TMOD1: variants seen among roughly 807,000 people sequenced by gnomAD.
The protein encoded by TMOD1 is tropomodulin-1.
A neutral mutation model predicts 40.6 loss-of-function variants in TMOD1; 17 were observed. The ratio of observed to expected loss-of-function variants is 0.42; its 90% CI spans 0.29 to 0.63. The LOEUF (loss-of-function observed/expected upper bound fraction) is 0.63. TMOD1 is among the 20% of genes least tolerant of loss of function. The pLI is 0.22. For synonymous variants in TMOD1, 181 were observed against 175.0 expected (o/e 1.03, Z -0.27); for missense variants, 391 against 447.6 (o/e 0.87, Z 1.14).
rs1223286541 is a variant in TMOD1, at chr9:97,524,204, G to C, written c.16G>C (p.Glu6Gln). The C allele has an allele frequency of 6.2e-7, 1 of 1,614,102 alleles. No homozygotes were observed. Among genetic ancestry groups the C allele is most frequent in the Admixed American group, 1.7e-5 (1 of 60,026 alleles). ...TTCTTCCACGATGTCGTACAGACGA[G>C]AACTAGAGAAATACCGTGACCTGGA... Reference protein sequence around the residue: MSYRRELEKYRDLDED... With the variant: MSYRRQLEKYRDLDED... Residue 6 changes from glutamate to glutamine, a missense_variant, in exon 2 of 10, where the codon GAA becomes CAA. Transcript: ENST00000259365.
chr9:97,551,006 ATATATATATTTTTTTTTTTTTTTTTTTT>A (rs1830442198), intron 3 of TMOD1, among the ~76,000 whole-genome samples: 1 of 47,676 alleles, frequency 2.1e-5, no homozygotes, highest in South Asian at 8.3e-4. Context: ...ATATATATAT[ATATATATATTTTTTTTTTTTTTTTTTTT>A]TTTTTTTTAG....
At chr9:97,572,648 T>G (rs1830839078) in intron 8 of TMOD1, among the ~76,000 whole-genome samples, 1 of 152,148 alleles carries the variant, frequency 6.6e-6, no homozygotes, top group Non-Finnish European at 1.5e-5. Flanking sequence ...GCATTTGATT[T>G]ATTCCTTTAT....
chr9:97,526,115 C>G (rs1830010741), intron 2 of TMOD1, among the ~76,000 whole-genome samples: 1 of 152,200 alleles, frequency 6.6e-6, no homozygotes, highest in African/African-American at 2.4e-5. Context: ...ACCTAGCTGG[C>G]ACTGTAACTG....
intron 3 of TMOD1, among the ~76,000 whole-genome samples, chr9:97,552,726 A>G (rs916980003): frequency 2.0e-5 from 3 of 152,216 alleles, no homozygotes; most frequent in African/African-American, 7.2e-5. Context: ...AGTCCATTGT[A>G]TGGATGCACC....
chr9:97,501,243 G>T (rs769277297), upstream of TMOD1: 9 of 152,192 alleles, frequency 5.9e-5, no homozygotes, highest in Admixed American at 3.3e-4. Flanking sequence ...GCTGGGAAAC[G>T]GACGGAGCGG....
chr9:97,537,484 G>T (rs1830203035), intron 2 of TMOD1, among the ~76,000 whole-genome samples: 2 of 152,200 alleles, frequency 1.3e-5, no homozygotes, highest in South Asian at 4.1e-4. Context: ...GCACCTGTTT[G>T]CAGGGTGTTA....
intron 8 of TMOD1, among the ~76,000 whole-genome samples, chr9:97,590,424 C>T (rs1248310311): frequency 6.6e-6 from 1 of 151,966 alleles, no homozygotes; most frequent in Non-Finnish European, 1.5e-5. Flanking sequence ...CAGGGTTTCA[C>T]CATGTTGCCC....
At chr9:97,521,355 C>T (rs896485677) in intron 1 of TMOD1, among the ~76,000 whole-genome samples, 3 of 152,230 alleles carry the variant, frequency 2.0e-5, no homozygotes, top group East Asian at 1.9e-4. Flanking sequence ...ACCCAAAACC[C>T]GTTTGAGCAC....
In TMOD1 at chr9:97,509,095, A is replaced by G. The variant is rs929082543; in HGVS notation, c.-49+7292A>G. 2.6e-5 allele frequency among the ~76,000 whole-genome samples: 4 copies of G among 152,204 alleles called. No homozygotes were observed. In the East Asian group the frequency reaches 5.8e-4, roughly 22 times the overall value. ...TTCCCCGTCAAAGCCTCCAGATGGA[A>G]TCAACCCTGCTGACACCTCGATTTT... On this transcript the variant is annotated intron_variant, in intron 1 of 9. Transcript: ENST00000259365.
intron 2 of TMOD1, among the ~76,000 whole-genome samples, chr9:97,536,611 T>C (rs1018854629): frequency 2.0e-5 from 3 of 152,110 alleles, no homozygotes; most frequent in Non-Finnish European, 2.9e-5. Flanking sequence ...GTTTCCAGGA[T>C]TTGTTCCCAG....
chr9:97,557,268 A>G lies in TMOD1; in HGVS notation c.397+3868A>G, dbSNP rs1278381978. 6.6e-6 allele frequency among the ~76,000 whole-genome samples: 1 copy of G among 152,208 alleles called. No homozygotes were observed. Among genetic ancestry groups the G allele is most frequent in the Non-Finnish European group, 1.5e-5 (1 of 68,038 alleles). On this transcript the variant is annotated intron_variant, in intron 4 of 9. Transcript: ENST00000259365. This position sits in a 1 kb window ranked among gnomAD's most constrained non-coding sequence, Gnocchi z 4.4. ...CCTGGCAGGGCTAAGTTCTTGGCGC[A>G]TAGCCTACAGGGTTGTAGGTCAGAG...
chr9:97,521,032 C>A (rs1445089314), intron 1 of TMOD1, among the ~76,000 whole-genome samples: 2 of 152,184 alleles, frequency 1.3e-5, no homozygotes, highest in Non-Finnish European at 2.9e-5. Flanking sequence ...GAAGAGGTAA[C>A]AAGTATGAGA....
intron 4 of TMOD1, among the ~76,000 whole-genome samples, chr9:97,553,959 G>C (rs571467294): frequency 6.6e-6 from 1 of 152,242 alleles, no homozygotes; most frequent in East Asian, 1.9e-4. Context: ...CTGATATTCA[G>C]AGCCCTTTGC....
intron 2 of TMOD1, among the ~76,000 whole-genome samples, chr9:97,541,725 A>G (rs1187978884): frequency 6.6e-6 from 1 of 152,138 alleles, no homozygotes; most frequent in East Asian, 1.9e-4. Flanking sequence ...CATGTTGGCC[A>G]GGCTGGTCTC....
At chr9:97,501,204 T>C, upstream of TMOD1, 1 of 152,200 alleles carries the variant, frequency 6.6e-6, no homozygotes, top group East Asian at 1.9e-4. Context: ...CGGTTAAAGC[T>C]TGCGGCTCAG....
intron 2 of TMOD1, among the ~76,000 whole-genome samples, chr9:97,531,656 A>C (rs955271063): frequency 1.3e-5 from 2 of 152,136 alleles, no homozygotes; most frequent in African/African-American, 4.8e-5. Context: ...GCAGGACGAA[A>C]TATGGAAAAC....
intron 7 of TMOD1, among the ~76,000 whole-genome samples, chr9:97,566,817 C>T (rs1455367474): frequency 6.6e-6 from 1 of 151,908 alleles, no homozygotes; most frequent in Non-Finnish European, 1.5e-5. Flanking sequence ...GCCATCAACT[C>T]TTCTTTTTAA....
intron 1 of TMOD1, among the ~76,000 whole-genome samples, chr9:97,504,013 A>T (rs910829221): frequency 2.6e-5 from 4 of 152,112 alleles, no homozygotes; most frequent in Admixed American, 2.6e-4. Flanking sequence ...CTGTGGAGAG[A>T]CAGGAGTAGG....
chr9:97,531,440 A>G (rs1044508261), intron 2 of TMOD1, among the ~76,000 whole-genome samples: 1 of 152,032 alleles, frequency 6.6e-6, no homozygotes, highest in African/African-American at 2.4e-5. Flanking sequence ...GAGAAACCCT[A>G]TCTCTACTTA....
Sources: allele counts gnomAD v4.1 joint callset (sites outside exome capture counted in the v4.1 genomes callset), GRCh38; gene constraint gnomAD v4.1.1; non-coding constraint Gnocchi (gnomAD v3.1); transcripts MANE v1.5; gene names NCBI Gene and HGNC (gene_info 2026-07-23, HGNC 2026-07-21).